The following FRYL variants were observed in gnomAD, a reference collection of about 807,000 sequenced individuals.
FRYL encodes the protein FRY like transcription coactivator.
FRYL carries 150 observed loss-of-function variants against 351.2 expected under a neutral mutation model. The observed-to-expected ratio is 0.43, with a 90% CI of 0.37 to 0.49. FRYL has a LOEUF of 0.49. Among genes scored for constraint, FRYL ranks in the 20% least tolerant of loss-of-function variants. The pLI is 0.00. For synonymous variants in FRYL, 1,153 were observed against 1,257.1 expected (o/e 0.92, Z 1.75); for missense variants, 3,036 against 3,619.3 (o/e 0.84, Z 4.13).
At chr4:48,513,081 G>T (rs1481706194) in intron 56 of FRYL, among the ~76,000 whole-genome samples, 1 of 152,048 alleles carries the variant, frequency 6.6e-6, no homozygotes, top group African/African-American at 2.4e-5. Flanking sequence ...TTTTGATCAT[G>T]GTCATTTGTG....
intron 19 of FRYL, among the ~76,000 whole-genome samples, chr4:48,586,183 G>A (rs1193745159): frequency 6.6e-6 from 1 of 152,060 alleles, no homozygotes; most frequent in African/African-American, 2.4e-5. Flanking sequence ...AAACTTAAAT[G>A]CCACAGTTCT....
chr4:48,675,713 G>A (rs1468973669), intron 3 of FRYL, among the ~76,000 whole-genome samples: 2 of 152,226 alleles, frequency 1.3e-5, no homozygotes, highest in African/African-American at 4.8e-5. Flanking sequence ...CCACCCAAGG[G>A]CTGAGGAGTG....
intron 23 of FRYL, among the ~76,000 whole-genome samples, chr4:48,576,759 A>G (rs748255808): frequency 2.0e-5 from 3 of 152,200 alleles, no homozygotes; most frequent in Non-Finnish European, 2.9e-5. Context: ...TTAATATTTT[A>G]TTGGGCCATA....
chr4:48,502,689 C>A, intron 61 of FRYL, 139 bp downstream of exon 61: 1 of 553,708 alleles, frequency 1.8e-6, no homozygotes, highest in Non-Finnish European at 3.2e-6. Context: ...TGGATTAGGG[C>A]TTTGCAAAAC....
chr4:48,567,420 A>C lies in FRYL; in HGVS notation c.2997T>G (p.Ser999Arg), dbSNP rs767555171. 1 of 1,589,898 alleles carries C rather than the reference A, an allele frequency of 6.3e-7. No homozygotes were observed. Reference sequence around the variant, plus strand: ...TTTCATTATCAAGGCCACCACTTGCACTGAAAATATTGAAGAAAACAAAAG... The same window carrying C: ...TTTCATTATCAAGGCCACCACTTGCCCTGAAAATATTGAAGAAAACAAAAG... Reference protein sequence around the residue: ...LLADAGVISHSASGGLDNETH... With the variant: ...LLADAGVISHRASGGLDNETH... The change falls in exon 28 of 64, where the codon AGT becomes AGG. Residue 999 changes from serine to arginine, a missense_variant and splice_region_variant. Around this residue, in one of 7 missense-constraint regions of FRYL, gnomAD observed 492 missense variants for 551.5 expected, o/e 0.89. Coordinates refer to ENST00000358350, the MANE Select transcript of FRYL (RefSeq NM_015030.2). This position sits in a 1 kb window ranked among gnomAD's most constrained non-coding sequence, Gnocchi z 4.2.
At chr4:48,761,007 C>CTGTG (rs57872533) in intron 1 of FRYL, among the ~76,000 whole-genome samples, 11,449 of 134,370 alleles carry the variant, frequency 0.085, 510 homozygotes, top group Middle Eastern at 0.12. Context: ...ATTACTCTGT[C>CTGTG]TGTGTGTGTG....
chr4:48,721,347 T>C (rs1434689814), intron 1 of FRYL, among the ~76,000 whole-genome samples: 3 of 151,532 alleles, frequency 2.0e-5, no homozygotes, highest in Non-Finnish European at 4.4e-5. Flanking sequence ...GTGCACACTA[T>C]ATGTAGATTT....
intron 3 of FRYL, among the ~76,000 whole-genome samples, chr4:48,670,104 T>C (rs1184143927): frequency 2.6e-5 from 4 of 152,100 alleles, no homozygotes; most frequent in Non-Finnish European, 5.9e-5. Context: ...ACAATCCAAT[T>C]ATACCTTTTT....
At chr4:48,762,159 T>A (rs899509366) in intron 1 of FRYL, among the ~76,000 whole-genome samples, 5 of 152,184 alleles carry the variant, frequency 3.3e-5, no homozygotes, top group African/African-American at 1.2e-4. Context: ...CTGCCAGAAC[T>A]ATGAGAAATT....
intron 1 of FRYL, among the ~76,000 whole-genome samples, chr4:48,740,343 G>A (rs1190012948): frequency 1.5e-5 from 2 of 130,792 alleles, no homozygotes; most frequent in Non-Finnish European, 3.1e-5. Context: ...CACCCAGGCT[G>A]GAATGCAGTG....
intron 3 of FRYL, among the ~76,000 whole-genome samples, chr4:48,678,507 C>CAAAAAAAAAA (rs10639089): frequency 2.4e-4 from 17 of 71,764 alleles, no homozygotes; most frequent in African/African-American, 4.8e-4. Context: ...AACTCCATCT[C>CAAAAAAAAAA]AAAAAAAAAA....
At position 48,540,676 on chromosome 4, in the gene FRYL, T is replaced by G; in HGVS notation, c.5972A>C (p.Gln1991Pro). ...SLREKGMYDV[Q>P]STTEPTNLMA... is the part of the protein sequence containing the mutation. ...CAAGTTGGTAGGCTCAGTAGTGGACTGCACGTCATACATTCCTTTCTCTCT... is the reference window on the plus strand; with the variant it reads ...CAAGTTGGTAGGCTCAGTAGTGGACGGCACGTCATACATTCCTTTCTCTCT... The change falls in exon 46 of 64, where the codon CAG (glutamine) becomes CCG (proline). Residue 1991 changes from glutamine to proline, a missense_variant. By Grantham distance (76) the Gln-to-Pro change is moderately conservative. Coordinates refer to ENST00000358350, the MANE Select transcript of FRYL (RefSeq NM_015030.2). 5.0e-6 allele frequency: 8 copies of G among 1,613,996 alleles called. No individual in the cohort carries two copies. Among genetic ancestry groups the G allele is most frequent in the Non-Finnish European group, 6.8e-6 (8 of 1,179,896 alleles).
chr4:48,540,720 A>C lies in FRYL; in HGVS notation c.5928T>G (p.Thr1976=), dbSNP rs1294923060. ...TCTCTCTTAGAGAGGAAAGGCTTCT[A>C]GTCCTTGCTAAACTACTGCTATGGT... The part of the protein sequence containing the change: ...RINHSSSLAR[T]RSLSSLREKG... The change falls in exon 46 of 64, where the codon ACT becomes ACG. Residue 1976 remains threonine (T), a synonymous_variant. Coordinates refer to ENST00000358350, the MANE Select transcript of FRYL (RefSeq NM_015030.2). 6 of 1,614,066 alleles carry C rather than the reference A, an allele frequency of 3.7e-6. No homozygotes were observed. The highest frequency in any genetic ancestry group is 5.1e-6 in the Non-Finnish European group (6 of 1,179,948).
At chr4:48,773,837 A>G (rs1436740509) in intron 1 of FRYL, among the ~76,000 whole-genome samples, 1 of 152,172 alleles carries the variant, frequency 6.6e-6, no homozygotes, top group African/African-American at 2.4e-5. Flanking sequence ...GGATCACTTG[A>G]GCCCAGCTGG....
intron 1 of FRYL, among the ~76,000 whole-genome samples, chr4:48,749,229 CAG>C (rs1171417909): frequency 6.6e-6 from 1 of 152,146 alleles, no homozygotes; most frequent in Non-Finnish European, 1.5e-5. Flanking sequence ...CTGAAACTAA[CAG>C]AGAAGCACAG....
chr4:48,580,812 G>A (rs1740720845), intron 22 of FRYL, 53 bp downstream of exon 22: 10 of 1,099,142 alleles, frequency 9.1e-6, no homozygotes, highest in East Asian at 2.4e-5. Context: ...ATACATATGT[G>A]TCTGTCATAA....
chr4:48,612,448 G>T (rs567533444), intron 7 of FRYL, among the ~76,000 whole-genome samples: 1 of 151,832 alleles, frequency 6.6e-6, no homozygotes, highest in Admixed American at 6.6e-5. Context: ...GCTTTCTGTG[G>T]TTTACCCAAG....
chr4:48,770,237 G>C, intron 1 of FRYL, among the ~76,000 whole-genome samples: 1 of 151,796 alleles, frequency 6.6e-6, no homozygotes, highest in African/African-American at 2.4e-5. Flanking sequence ...TACTATTCTC[G>C]CAACTTCCCA....
intron 1 of FRYL, among the ~76,000 whole-genome samples, chr4:48,723,940 A>T (rs1373916956): frequency 7.1e-6 from 1 of 140,380 alleles, no homozygotes; most frequent in African/African-American, 2.6e-5. Flanking sequence ...AAAATAAATA[A>T]AATAATAATA....
Sources: gnomAD v4.1 joint callset for allele counts (sites outside exome capture counted in the v4.1 genomes callset) on GRCh38, gnomAD v4.1.1 for gene constraint, gnomAD v4.1.1 regional missense constraint, Gnocchi (gnomAD v3.1) non-coding constraint, MANE v1.5 for transcripts, NCBI Gene and HGNC (gene_info 2026-07-23, HGNC 2026-07-21) for gene names.